JMJD1C: variants seen among roughly 807,000 people sequenced by gnomAD.
JMJD1C encodes jumonji domain containing 1C.
A neutral mutation model predicts 245.3 loss-of-function variants in JMJD1C; 31 were observed. The observed-to-expected ratio is 0.13, with a 90% CI of 0.09 to 0.17. The LOEUF (loss-of-function observed/expected upper bound fraction) is 0.17, where lower values mean the gene tolerates loss of function less well. JMJD1C is among the 10% of genes least tolerant of loss of function. JMJD1C has a pLI of 1.00. For missense variants in JMJD1C, 2,691 were observed against 3,000.2 expected (o/e 0.90, Z 2.41); for synonymous variants, 1,057 against 1,017.4 (o/e 1.04, Z -0.74).
At chr10:63,462,887 T>C (rs1952896234) in intron 1 of JMJD1C, among the ~76,000 whole-genome samples, 1 of 152,236 alleles carries the variant, frequency 6.6e-6, no homozygotes, top group East Asian at 1.9e-4. Flanking sequence ...AATTAAACAA[T>C]TATAGAAATT....
chr10:63,364,596 C>T (rs983535379), intron 2 of JMJD1C, among the ~76,000 whole-genome samples: 1 of 152,096 alleles, frequency 6.6e-6, no homozygotes, highest in African/African-American at 2.4e-5. Flanking sequence ...AGAAATCCTC[C>T]CACCTCAGCC....
intron 3 of JMJD1C, among the ~76,000 whole-genome samples, chr10:63,254,707 T>TTTTTG (rs1390037449): frequency 3.4e-5 from 1 of 29,518 alleles, no homozygotes; most frequent in Non-Finnish European, 1.9e-4. Context: ...GTTTTTTTTG[T>TTTTTG]TTTTTGTTTT....
At chr10:63,369,988 A>G (rs995177675) in intron 2 of JMJD1C, among the ~76,000 whole-genome samples, 1 of 152,234 alleles carries the variant, frequency 6.6e-6, no homozygotes, top group Non-Finnish European at 1.5e-5. Flanking sequence ...CCCAGAGGCC[A>G]AAGCTACACC....
intron 1 of JMJD1C, chr10:63,427,356 CG>C: frequency 9.7e-7 from 1 of 1,036,242 alleles, no homozygotes; most frequent in South Asian, 1.3e-5. Context: ...AAGTGTTCAC[CG>C]CCTTCTGGCA....
At chr10:63,227,328 ATATAT>A (rs993356331) in intron 3 of JMJD1C, among the ~76,000 whole-genome samples, 3 of 152,200 alleles carry the variant, frequency 2.0e-5, no homozygotes, top group Non-Finnish European at 2.9e-5. Flanking sequence ...AGTTCAAGAA[ATATAT>A]TATTTATGTC....
chr10:63,312,176 C>T (rs1304283859), intron 2 of JMJD1C, among the ~76,000 whole-genome samples: 5 of 145,894 alleles, frequency 3.4e-5, no homozygotes, highest in East Asian at 2.0e-4. Context: ...GGCACGATCT[C>T]GGCTCACCAC....
intron 2 of JMJD1C, among the ~76,000 whole-genome samples, chr10:63,367,186 C>T (rs913887604): frequency 1.3e-5 from 2 of 152,116 alleles, no homozygotes; most frequent in African/African-American, 4.8e-5. Context: ...GGTCTCCTTC[C>T]ATTAAAGAGC....
rs185717054 is a variant in JMJD1C, at chr10:63,330,187, C to A, written c.333+50131G>T. On this transcript the variant is annotated intron_variant, in intron 2 of 25. Transcript: ENST00000399262. ...AAAGTGCTGGGACTACAGGCGTGAG[C>A]CACCACACCCGGCCCTAAGCACGTT... Among the ~76,000 whole-genome samples, 9 of 152,310 alleles carry A rather than the reference C, an allele frequency of 5.9e-5. No homozygotes were observed. The East Asian group carries it at 1.4e-3, about 23-fold the overall frequency.
chr10:63,457,719 TTTGA>T (rs1952504720), intron 1 of JMJD1C, among the ~76,000 whole-genome samples: 3 of 152,218 alleles, frequency 2.0e-5, no homozygotes, highest in Admixed American at 6.5e-5. Context: ...GGGTTTTTAC[TTTGA>T]GAGTCTGTGA....
At chr10:63,264,004 ACAC>A (rs1236724627) in intron 3 of JMJD1C, among the ~76,000 whole-genome samples, 4 of 147,148 alleles carry the variant, frequency 2.7e-5, no homozygotes, top group African/African-American at 5.2e-5. Flanking sequence ...ACACACACAC[ACAC>A]AATTCTGTGA....
chr10:63,416,633 G>C (rs1360797188), intron 1 of JMJD1C, among the ~76,000 whole-genome samples: 1 of 151,980 alleles, frequency 6.6e-6, no homozygotes, highest in Non-Finnish European at 1.5e-5. Flanking sequence ...CCAATCAATG[G>C]AATTATACAA....
chr10:63,206,581 A>G lies in JMJD1C; in HGVS notation c.5074+14T>C, dbSNP rs1846652726. The G allele has an allele frequency of 6.4e-7, 1 of 1,553,340 alleles. No homozygotes were observed. Among genetic ancestry groups the G allele is most frequent in the African/African-American group, 1.4e-5 (1 of 72,576 alleles). ...GCCCATTTTACCTGAGATAAAACAA[A>G]GTAACTGACTTACTATTACTGTTGC... On this transcript the variant is annotated intron_variant, in intron 10 of 25. Coordinates refer to ENST00000399262, the MANE Select transcript of JMJD1C (RefSeq NM_032776.3).
At chr10:63,297,542 G>A (rs1419986737) in intron 2 of JMJD1C, among the ~76,000 whole-genome samples, 10 of 152,200 alleles carry the variant, frequency 6.6e-5, no homozygotes, top group Non-Finnish European at 1.3e-4. Flanking sequence ...ACTGAAAGGA[G>A]CTGTAACACA....
At chr10:63,326,413 TAAATAAATAAATAAAG>T (rs1941517135) in intron 2 of JMJD1C, among the ~76,000 whole-genome samples, 1 of 150,034 alleles carries the variant, frequency 6.7e-6, no homozygotes, top group Non-Finnish European at 1.5e-5. Context: ...AATAAATAAA[TAAATAAATAAATAAAG>T]ATAATAAAAT....
At chr10:63,315,185 G>A (rs1239025110) in intron 2 of JMJD1C, among the ~76,000 whole-genome samples, 1 of 152,054 alleles carries the variant, frequency 6.6e-6, no homozygotes, top group African/African-American at 2.4e-5. Flanking sequence ...GTATAACTAT[G>A]TTGCTGAAGT....
At chr10:63,234,552 A>T (rs185357053) in intron 3 of JMJD1C, among the ~76,000 whole-genome samples, 69 of 142,682 alleles carry the variant, frequency 4.8e-4, no homozygotes, top group African/African-American at 1.7e-3. Flanking sequence ...CCTATCCTAT[A>T]AAAAAAAACC....
chr10:63,305,676 G>GTA (rs1265199282), intron 2 of JMJD1C, among the ~76,000 whole-genome samples: 1 of 136,320 alleles, frequency 7.3e-6, no homozygotes, highest in Non-Finnish European at 1.5e-5. Flanking sequence ...GTGTGTGTGT[G>GTA]TGTGTGTTGA....
chr10:63,281,598 G>T lies in JMJD1C; in HGVS notation c.334-16834C>A, dbSNP rs12359937. Reference sequence around the variant, plus strand: ...CGGTTATCCTGCCTCAGCCTCCAGAGTAGCATGGACAATAGGTGCATGCCA... The same window carrying T: ...CGGTTATCCTGCCTCAGCCTCCAGATTAGCATGGACAATAGGTGCATGCCA... On this transcript the variant is annotated intron_variant, in intron 2 of 25. Transcript: ENST00000399262. Among the ~76,000 whole-genome samples, 304 of 148,540 alleles carry T rather than the reference G, an allele frequency of 2.0e-3. 1 individual carries two copies. The highest frequency in any genetic ancestry group is 3.6e-3 in the Non-Finnish European group (244 of 67,392).
chr10:63,454,495 C>T (rs979470178), intron 1 of JMJD1C, among the ~76,000 whole-genome samples: 2 of 152,018 alleles, frequency 1.3e-5, no homozygotes, highest in Non-Finnish European at 2.9e-5. Context: ...ACGATCTCAG[C>T]TCACGGCAAC....
Sources: gnomAD v4.1 joint callset for allele counts (sites outside exome capture counted in the v4.1 genomes callset) on GRCh38, gnomAD v4.1.1 for gene constraint, MANE v1.5 for transcripts, NCBI Gene and HGNC (gene_info 2026-07-23, HGNC 2026-07-21) for gene names.